FYB1: variants seen among roughly 807,000 people sequenced by gnomAD.
FYB1 encodes FYN binding protein 1, also known as FYN-binding protein 1.
A neutral mutation model predicts 94.1 loss-of-function variants in FYB1; 41 were observed. The observed-to-expected ratio is 0.44, with a 90% CI of 0.34 to 0.57. The LOEUF (loss-of-function observed/expected upper bound fraction) is 0.57. Ranked by LOEUF, FYB1 falls within the 20% of genes least tolerant of loss-of-function variation. The pLI, the probability that FYB1 is intolerant of heterozygous loss-of-function variation, is 0.02. For synonymous variants in FYB1, 367 were observed against 353.2 expected, an observed-to-expected ratio of 1.04 and a Z score of -0.44; for missense variants, 1,050 against 976.8, an observed-to-expected ratio of 1.07 and a Z score of -1.00.
At position 39,119,527 on chromosome 5, in the gene FYB1, TG is replaced by T; in HGVS notation, c.2238+7del. ...TTGTACTTTGTATAATATTTAGATA[TG>T]ACATACTTTAAATTTTTTCCTGAAG... On this transcript the variant is annotated splice_region_variant and intron_variant, in intron 15 of 18. Transcript: ENST00000512982. 6.6e-7 allele frequency: 1 copy of T among 1,515,898 alleles called. No homozygotes were observed. The highest frequency in any genetic ancestry group is 1.4e-5 in the African/African-American group (1 of 71,652). The allele number at this position is 1,515,898 out of a possible 1,614,324, so 93.9% of individuals were successfully genotyped here.
At chr5:39,164,343 G>T (rs1183636018) in intron 2 of FYB1, among the ~76,000 whole-genome samples, 1 of 152,150 alleles carries the variant, frequency 6.6e-6, no homozygotes, top group Non-Finnish European at 1.5e-5. Context: ...CTTTTTGAAT[G>T]TTGGCAACTA....
intron 2 of FYB1, among the ~76,000 whole-genome samples, chr5:39,199,075 A>C (rs1053336623): frequency 1.3e-5 from 2 of 151,744 alleles, no homozygotes; most frequent in African/African-American, 4.8e-5. Context: ...TACGTACAAT[A>C]TACCACATGT....
rs115704171 is a variant in FYB1, at chr5:39,146,349, C to G, written c.1293-5208G>C. ...TTATAGTGATTATTCTGTATTCCTT[C>G]GTAATTATGGGGTAATTGCTTCAGG... On this transcript the variant is annotated intron_variant, in intron 3 of 18. Transcript: ENST00000512982. Among the ~76,000 whole-genome samples, 1,135 of 152,230 alleles carry G rather than the reference C, an allele frequency of 7.5e-3. 17 individuals carry two copies. Among genetic ancestry groups the G allele is most frequent in the African/African-American group, 0.026 (1,070 of 41,546 alleles).
chr5:39,148,478 G>A (rs1171746219), intron 3 of FYB1, among the ~76,000 whole-genome samples: 1 of 134,378 alleles, frequency 7.4e-6, no homozygotes, highest in East Asian at 2.4e-4. Context: ...TGCCTTACTG[G>A]GAGTAAAATC....
chr5:39,135,410 C>T (rs1741598480), intron 7 of FYB1, among the ~76,000 whole-genome samples: 2 of 152,202 alleles, frequency 1.3e-5, no homozygotes, highest in Admixed American at 6.5e-5. Context: ...TTCCCCTTTG[C>T]ATTGTTTGTA....
intron 1 of FYB1, among the ~76,000 whole-genome samples, chr5:39,242,504 G>A (rs937119074): frequency 6.6e-6 from 1 of 152,088 alleles, no homozygotes; most frequent in Non-Finnish European, 1.5e-5. Flanking sequence ...ATTCCATGGT[G>A]TATATGTGCC....
intron 2 of FYB1, among the ~76,000 whole-genome samples, chr5:39,200,429 G>A (rs757972525): frequency 1.3e-5 from 2 of 152,270 alleles, no homozygotes; most frequent in East Asian, 3.9e-4. Flanking sequence ...CTCCTTCCCT[G>A]GTGTGAAGTC....
At chr5:39,219,872 G>C (rs1579723902), upstream of FYB1, among the ~76,000 whole-genome samples, 1 of 152,308 alleles carries the variant, frequency 6.6e-6, no homozygotes, top group East Asian at 1.9e-4. Flanking sequence ...ACACCCAGGA[G>C]TGTCACCTGC....
Position 39,118,974 on chromosome 5 carries a change from C to A in FYB1, c.2301G>T (p.Lys767Asn). Residue 767 changes from lysine to asparagine, a missense_variant, in exon 16 of 19, where the codon AAG becomes AAT. Coordinates refer to ENST00000512982, the MANE Select transcript of FYB1 (RefSeq NM_001465.6). ...TKVTTSITSKKWGTRDLQVKP... is the reference protein window; with the variant it reads ...TKVTTSITSKNWGTRDLQVKP... ...TTACCTGTAGATCTCTGGTTCCCCA[C>A]TTTTTAGAAGTTATGGAAGTTGTAA... 6.4e-7 allele frequency: 1 copy of A among 1,565,094 alleles called. No individual in the cohort carries two copies. The highest frequency in any genetic ancestry group is 1.4e-5 in the African/African-American group (1 of 73,652).
intron 2 of FYB1, among the ~76,000 whole-genome samples, chr5:39,173,638 C>G (rs973619759): frequency 1.3e-5 from 2 of 152,026 alleles, no homozygotes; most frequent in Non-Finnish European, 2.9e-5. Context: ...AGGCAGGTGT[C>G]CAGTTTTATT....
chr5:39,125,445 A>G (rs182539180), intron 12 of FYB1, among the ~76,000 whole-genome samples: 1 of 152,336 alleles, frequency 6.6e-6, no homozygotes, highest in African/African-American at 2.4e-5. Context: ...TACTTTTAGT[A>G]TAGGAAAAAT....
At chr5:39,221,201 G>C (rs1032953739), upstream of FYB1, among the ~76,000 whole-genome samples, 1 of 152,084 alleles carries the variant, frequency 6.6e-6, no homozygotes, top group Admixed American at 6.5e-5. Flanking sequence ...GCCCCATCAT[G>C]CTTTCCCCTC....
At chr5:39,259,577 G>A (rs1460727735) in intron 1 of FYB1, among the ~76,000 whole-genome samples, 3 of 151,986 alleles carry the variant, frequency 2.0e-5, no homozygotes, top group Non-Finnish European at 4.4e-5. Flanking sequence ...CATAACACAG[G>A]AAGAAAACTA....
chr5:39,244,578 C>T lies in FYB1; in HGVS notation c.-28+29825G>A, dbSNP rs552499183. Among the ~76,000 whole-genome samples, 8 of 150,566 alleles carry T rather than the reference C, an allele frequency of 5.3e-5. No individual in the cohort carries two copies. The South Asian group carries it at 8.3e-4, about 16-fold the overall frequency. ...TGAGGATTTTTGCATCAATGCTCAT[C>T]GGGGATATTGGTCTAAAATTCTCTT... On this transcript the variant is annotated intron_variant, in intron 1 of 1. Coordinates refer to the FYB1 transcript ENST00000510188.
upstream of FYB1, among the ~76,000 whole-genome samples, chr5:39,222,854 G>T (rs181735056): frequency 1.8e-4 from 28 of 152,206 alleles, no homozygotes; most frequent in African/African-American, 6.5e-4. Context: ...ACAACAAGAT[G>T]ATGATGCTGA....
At chr5:39,115,206 C>T (rs1739421895) in intron 16 of FYB1, among the ~76,000 whole-genome samples, 1 of 151,996 alleles carries the variant, frequency 6.6e-6, no homozygotes, top group Non-Finnish European at 1.5e-5. Flanking sequence ...AACAATTCTC[C>T]TGCCTCAGCC....
chr5:39,118,984 G>T lies in FYB1; in HGVS notation c.2291C>A (p.Thr764Asn). Residue 764 changes from threonine to asparagine, a missense_variant, in exon 16 of 19, where the codon ACT becomes AAT. Transcript: ENST00000512982. ...LYSTKVTTSI[T>N]SKKWGTRDLQ... ...ATCTCTGGTTCCCCACTTTTTAGAAGTTATGGAAGTTGTAACTTTAGTTGA... is the reference window on the plus strand; with the variant it reads ...ATCTCTGGTTCCCCACTTTTTAGAATTTATGGAAGTTGTAACTTTAGTTGA... The T allele has an allele frequency of 6.5e-7, 1 of 1,545,158 alleles. No individual in the cohort carries two copies. The highest frequency in any genetic ancestry group is 8.8e-7 in the Non-Finnish European group (1 of 1,133,906).
intron 1 of FYB1, among the ~76,000 whole-genome samples, chr5:39,215,908 T>C (rs758386433): frequency 1.1e-4 from 17 of 152,212 alleles, no homozygotes; most frequent in Non-Finnish European, 1.6e-4. Context: ...TTCTGGGTTA[T>C]GTAGGTAGCA....
intron 2 of FYB1, among the ~76,000 whole-genome samples, chr5:39,154,697 G>A (rs185231506): frequency 6.6e-6 from 1 of 151,962 alleles, no homozygotes; most frequent in East Asian, 1.9e-4. Context: ...ATTGGAGACG[G>A]GGTTTCTCTT....
Sources: allele counts gnomAD v4.1 joint callset (sites outside exome capture counted in the v4.1 genomes callset), GRCh38; gene constraint gnomAD v4.1.1; transcripts MANE v1.5; gene names NCBI Gene and HGNC (gene_info 2026-07-23, HGNC 2026-07-21).